Variants in CTNNA2 observed in about 807,000 individuals in gnomAD.
CTNNA2 encodes catenin alpha-2.
A neutral mutation model predicts 101.0 loss-of-function variants in CTNNA2; 42 were observed. That is an observed-to-expected ratio of 0.42 (90% CI 0.32 to 0.54). The LOEUF is 0.54. CTNNA2 is among the 20% of genes least tolerant of loss of function. CTNNA2 has a pLI of 0.14. For missense variants in CTNNA2, 871 were observed against 1,223.1 expected (o/e 0.71, Z 4.29); for synonymous variants, 450 against 456.4 (o/e 0.99, Z 0.18).
At chr2:80,580,739 G>A (rs952624974) in intron 13 of CTNNA2, among the ~76,000 whole-genome samples, 3 of 152,140 alleles carry the variant, frequency 2.0e-5, no homozygotes, top group African/African-American at 7.2e-5. Context: ...GATGGGCCAG[G>A]CACAGTGACT....
intron 2 of CTNNA2, among the ~76,000 whole-genome samples, chr2:79,658,545 T>C (rs1408170742): frequency 6.6e-6 from 1 of 152,094 alleles, no homozygotes; most frequent in Non-Finnish European, 1.5e-5. Context: ...ATTTGCTTAT[T>C]GCATTAACAA....
chr2:79,636,674 AT>A (rs1245080203), intron 1 of CTNNA2, among the ~76,000 whole-genome samples: 1 of 152,176 alleles, frequency 6.6e-6, no homozygotes, highest in African/African-American at 2.4e-5. Flanking sequence ...ATATATATAA[AT>A]GTATAAGGTG....
intron 7 of CTNNA2, among the ~76,000 whole-genome samples, chr2:80,187,684 A>T (rs114265114): frequency 0.022 from 3,287 of 152,310 alleles, 39 homozygotes; most frequent in South Asian, 0.048. Context: ...AACCAGCAAC[A>T]TCCGTAGAGG....
chr2:80,105,924 C>A (rs556636766), intron 7 of CTNNA2, among the ~76,000 whole-genome samples: 1 of 152,168 alleles, frequency 6.6e-6, no homozygotes, highest in South Asian at 2.1e-4. Context: ...TAGAGTCACA[C>A]ATGTTCTCAC....
At chr2:79,214,435 G>A (rs554286734) in intron 2 of CTNNA2, among the ~76,000 whole-genome samples, 9 of 152,178 alleles carry the variant, frequency 5.9e-5, no homozygotes, top group South Asian at 4.1e-4. Flanking sequence ...TGTAAGGCTC[G>A]TCTGGTTCTA....
chr2:80,305,296 G>A, intron 7 of CTNNA2: 1 of 985,420 alleles, frequency 1.0e-6, no homozygotes, highest in Non-Finnish European at 1.2e-6. Context: ...CCAAGTCCCG[G>A]TGGTGTGAGA....
At chr2:79,231,407 C>A (rs1674491397) in intron 2 of CTNNA2, among the ~76,000 whole-genome samples, 1 of 152,174 alleles carries the variant, frequency 6.6e-6, no homozygotes, top group Non-Finnish European at 1.5e-5. Context: ...GTGCCTCTTG[C>A]CCTCTGCCAT....
At chr2:79,690,240 A>T (rs1042556198) in intron 2 of CTNNA2, among the ~76,000 whole-genome samples, 3 of 152,176 alleles carry the variant, frequency 2.0e-5, no homozygotes, top group Admixed American at 2.0e-4. Context: ...AGTGATAGAG[A>T]TGTCTGACTT....
intron 3 of CTNNA2, among the ~76,000 whole-genome samples, chr2:79,848,537 C>T (rs1254136112): frequency 1.3e-5 from 2 of 152,122 alleles, no homozygotes; most frequent in Non-Finnish European, 2.9e-5. Flanking sequence ...TACCCTACAC[C>T]CTCTTCTCCC....
intron 7 of CTNNA2, among the ~76,000 whole-genome samples, chr2:79,960,515 A>G (rs1689555837): frequency 2.0e-5 from 3 of 152,208 alleles, no homozygotes; most frequent in Non-Finnish European, 1.5e-5. Context: ...TAGCAAAGCC[A>G]TTAGCTACTT....
intron 17 of CTNNA2, among the ~76,000 whole-genome samples, chr2:80,618,319 T>G (rs981422991): frequency 1.4e-4 from 21 of 151,832 alleles, no homozygotes; most frequent in African/African-American, 5.1e-4. Flanking sequence ...CCATTTGATT[T>G]TTTCTACAGT....
chr2:80,429,616 C>G (rs907601811), intron 9 of CTNNA2, among the ~76,000 whole-genome samples: 3 of 152,178 alleles, frequency 2.0e-5, no homozygotes, highest in Non-Finnish European at 4.4e-5. Context: ...AATTTCATAT[C>G]TCTGAAATCA....
chr2:79,435,639 C>T (rs1346839560), intron 4 of CTNNA2, among the ~76,000 whole-genome samples: 1 of 152,142 alleles, frequency 6.6e-6, no homozygotes, highest in African/African-American at 2.4e-5. Flanking sequence ...CCTTTCCCCA[C>T]AAAATATAAG....
chr2:79,514,378 C>T (rs1362945089), intron 1 of CTNNA2, among the ~76,000 whole-genome samples: 1 of 152,108 alleles, frequency 6.6e-6, no homozygotes, highest in African/African-American at 2.4e-5. Context: ...TCGTAGGACC[C>T]CTGAAGATGT....
At chr2:80,211,661 G>T (rs1362984675) in intron 7 of CTNNA2, among the ~76,000 whole-genome samples, 5 of 152,172 alleles carry the variant, frequency 3.3e-5, no homozygotes, top group Non-Finnish European at 7.3e-5. Flanking sequence ...GATGCCTCTA[G>T]CTTTGTTCTT....
At chr2:79,844,618 C>A (rs1324380773) in intron 3 of CTNNA2, among the ~76,000 whole-genome samples, 2 of 152,054 alleles carry the variant, frequency 1.3e-5, no homozygotes, top group African/African-American at 4.8e-5. Flanking sequence ...TAAGTTGGGG[C>A]CTCTTGGCCT....
In CTNNA2 at chr2:80,544,970, T is replaced by C. The variant is rs775893336; in HGVS notation, c.1291-12T>C. 59 of 1,612,462 alleles carry C rather than the reference T, an allele frequency of 3.7e-5. No individual in the cohort carries two copies. The Admixed American group carries it at 9.9e-4, about 27-fold the overall frequency. ...CCCAACCTAATATTCACTAAAATCC[T>C]CTTCAATACAGGTTGCCAATTTGGC... On this transcript the variant is annotated splice_polypyrimidine_tract_variant and intron_variant, in intron 9 of 18. Transcript: ENST00000402739.
intron 9 of CTNNA2, among the ~76,000 whole-genome samples, chr2:80,426,145 T>G (rs147995371): frequency 1.3e-5 from 2 of 152,104 alleles, no homozygotes; most frequent in Non-Finnish European, 2.9e-5. Context: ...GCTAAGGACT[T>G]CAGGGTGGGG....
chr2:80,113,208 A>G (rs1433201535), intron 7 of CTNNA2, among the ~76,000 whole-genome samples: 1 of 151,190 alleles, frequency 6.6e-6, no homozygotes, highest in East Asian at 1.9e-4. Flanking sequence ...CTTTTGGGTT[A>G]TACATATAAT....
Sources: allele counts gnomAD v4.1 joint callset (sites outside exome capture counted in the v4.1 genomes callset), GRCh38; gene constraint gnomAD v4.1.1; transcripts MANE v1.5; gene names NCBI Gene and HGNC (gene_info 2026-07-23, HGNC 2026-07-21).